CDH13: variants seen among roughly 807,000 people sequenced by gnomAD.
CDH13 encodes cadherin-13.
CDH13 carries 24 observed loss-of-function variants against 63.8 expected under a neutral mutation model. The observed-to-expected ratio is 0.38, with a 90% CI of 0.27 to 0.53. The LOEUF is 0.53. Ranked by LOEUF, CDH13 falls within the 20% of genes least tolerant of loss-of-function variation. The pLI is 0.85. For synonymous variants in CDH13, 503 were observed against 355.3 expected (o/e 1.42, Z -4.67); for missense variants, 1,049 against 903.1 (o/e 1.16, Z -2.07).
At position 82,949,538 on chromosome 16, in the gene CDH13, T is replaced by C. The variant is rs1905083661; in HGVS notation, c.158-82472T>C. Among the ~76,000 whole-genome samples the C allele has an allele frequency of 2.6e-5, 4 of 152,320 alleles. 1 individual carries two copies. The South Asian group carries it at 8.3e-4, about 32-fold the overall frequency. The stretch of plus-strand genomic sequence containing the variant: ...TAAATGGGGATCTCCTGACAGTTCT[T>C]AATAGGGTCAATATTTCAATGCGTG... On this transcript the variant is annotated intron_variant, in intron 2 of 13. Transcript: ENST00000567109.
intron 2 of CDH13, among the ~76,000 whole-genome samples, chr16:83,002,021 C>G (rs1282880859): frequency 6.6e-6 from 1 of 152,162 alleles, no homozygotes; most frequent in Non-Finnish European, 1.5e-5. Context: ...ATTTATTCAA[C>G]AAATGTGAAC....
intron 4 of CDH13, among the ~76,000 whole-genome samples, chr16:83,204,282 C>G (rs1266832501): frequency 1.3e-5 from 2 of 152,194 alleles, no homozygotes; most frequent in African/African-American, 4.8e-5. Flanking sequence ...AAATCTTTAT[C>G]TAGCAGACTT....
intron 10 of CDH13, among the ~76,000 whole-genome samples, chr16:83,690,227 G>C (rs934169175): frequency 6.6e-6 from 1 of 152,160 alleles, no homozygotes; most frequent in African/African-American, 2.4e-5. Flanking sequence ...CTGTGGAAGA[G>C]AGAAAATGAA....
At chr16:82,728,203 G>T (rs2033203977) in intron 1 of CDH13, among the ~76,000 whole-genome samples, 1 of 152,118 alleles carries the variant, frequency 6.6e-6, no homozygotes, top group African/African-American at 2.4e-5. Context: ...GATAATATGG[G>T]CTGGGAGGGA....
chr16:82,704,746 C>T (rs2031343939), intron 1 of CDH13, among the ~76,000 whole-genome samples: 1 of 152,202 alleles, frequency 6.6e-6, no homozygotes, highest in Non-Finnish European at 1.5e-5. Context: ...ATCTGCTTTG[C>T]ACTAAGCCTC....
intron 4 of CDH13, among the ~76,000 whole-genome samples, chr16:83,141,402 C>G (rs1278259553): frequency 6.6e-6 from 1 of 152,138 alleles, no homozygotes; most frequent in Non-Finnish European, 1.5e-5. Context: ...TAATTGATGT[C>G]AGCATGTTCA....
chr16:83,771,279 A>T (rs1029908730), intron 11 of CDH13, among the ~76,000 whole-genome samples: 2 of 152,216 alleles, frequency 1.3e-5, no homozygotes, highest in Non-Finnish European at 2.9e-5. Context: ...AACCAGACCA[A>T]GAGTAACCCA....
At chr16:83,759,137 C>A (rs72801019) in intron 11 of CDH13, among the ~76,000 whole-genome samples, 1 of 152,124 alleles carries the variant, frequency 6.6e-6, no homozygotes, top group East Asian at 1.9e-4. Context: ...GTACATATAT[C>A]CAGACGTATT....
intron 1 of CDH13, among the ~76,000 whole-genome samples, chr16:82,789,739 G>C (rs926486421): frequency 1.3e-5 from 2 of 152,170 alleles, no homozygotes; most frequent in African/African-American, 4.8e-5. Context: ...GAAGTCCACA[G>C]GTCTGAATAA....
At chr16:82,869,399 G>C (rs549947624) in intron 2 of CDH13, among the ~76,000 whole-genome samples, 1 of 151,578 alleles carries the variant, frequency 6.6e-6, no homozygotes. Flanking sequence ...TGAGAAGTGC[G>C]GAAGGGGTAG....
intron 7 of CDH13, among the ~76,000 whole-genome samples, chr16:83,518,630 A>C (rs1444205578): frequency 6.9e-6 from 1 of 145,240 alleles, no homozygotes; most frequent in Non-Finnish European, 1.5e-5. Flanking sequence ...CTGCCACTAC[A>C]CCCGGCTAAT....
intron 11 of CDH13, among the ~76,000 whole-genome samples, chr16:83,773,858 A>T (rs1465880048): frequency 6.6e-6 from 1 of 152,068 alleles, no homozygotes; most frequent in Non-Finnish European, 1.5e-5. Flanking sequence ...GAGGCTCTAA[A>T]CCACTACCCC....
At chr16:83,380,113 C>A (rs928657696) in intron 6 of CDH13, among the ~76,000 whole-genome samples, 1 of 151,828 alleles carries the variant, frequency 6.6e-6, no homozygotes, top group African/African-American at 2.4e-5. Context: ...CATTGGTATT[C>A]TTGCGTGAGG....
At chr16:83,631,744 A>C (rs1334921971) in intron 8 of CDH13, among the ~76,000 whole-genome samples, 1 of 152,208 alleles carries the variant, frequency 6.6e-6, no homozygotes, top group Non-Finnish European at 1.5e-5. Flanking sequence ...AGCTCCCGGC[A>C]GCAGTCTGTC....
intron 1 of CDH13, among the ~76,000 whole-genome samples, chr16:82,731,639 G>A (rs746220476): frequency 3.3e-5 from 5 of 152,098 alleles, no homozygotes; most frequent in Non-Finnish European, 7.4e-5. Flanking sequence ...CATTGATATG[G>A]GAACCACACT....
At chr16:82,956,600 C>A (rs1906145841) in intron 2 of CDH13, among the ~76,000 whole-genome samples, 1 of 152,182 alleles carries the variant, frequency 6.6e-6, no homozygotes, top group Non-Finnish European at 1.5e-5. Flanking sequence ...AGTCCATTTT[C>A]TTTAATACAG....
chr16:83,455,188 A>G (rs2072988669), intron 6 of CDH13, among the ~76,000 whole-genome samples: 2 of 152,202 alleles, frequency 1.3e-5, no homozygotes, highest in South Asian at 4.1e-4. Flanking sequence ...CGTATCTCTG[A>G]CTTTCAGAGG....
intron 1 of CDH13, among the ~76,000 whole-genome samples, chr16:82,679,223 A>G (rs780100830): frequency 6.6e-6 from 1 of 152,192 alleles, no homozygotes; most frequent in Non-Finnish European, 1.5e-5. Context: ...CCAAGGAAGA[A>G]TGCAGAAATA....
intron 1 of CDH13, among the ~76,000 whole-genome samples, chr16:82,713,057 G>T (rs77548167): frequency 5.0e-4 from 6 of 12,040 alleles, no homozygotes; most frequent in Non-Finnish European, 2.1e-3. Flanking sequence ...TGTGTGTGTG[G>T]TGTGTGTGTG....
Sources: allele counts gnomAD v4.1 joint callset (sites outside exome capture counted in the v4.1 genomes callset), GRCh38; gene constraint gnomAD v4.1.1; transcripts MANE v1.5; gene names NCBI Gene and HGNC (gene_info 2026-07-23, HGNC 2026-07-21).